The following ITPRID1 variants were observed in gnomAD, a reference collection of about 807,000 sequenced individuals.
The protein encoded by ITPRID1 is ITPR interacting domain containing 1, also known as protein ITPRID1.
ITPRID1 carries 96 observed loss-of-function variants against 95.4 expected under a neutral mutation model. The ratio of observed to expected loss-of-function variants is 1.01; its 90% confidence interval spans 0.85 to 1.19. The LOEUF is 1.19. Among genes scored for constraint, ITPRID1 ranks in the 50% most tolerant of loss-of-function variants. The pLI is 0.00. For missense variants in ITPRID1, 1,339 were observed against 1,252.9 expected (o/e 1.07, Z -1.04); for synonymous variants, 510 against 453.6 (o/e 1.12, Z -1.58).
At chr7:31,657,679 CTTTT>C (rs1002114429), downstream of ITPRID1, among the ~76,000 whole-genome samples, 4 of 151,024 alleles carry the variant, frequency 2.6e-5, no homozygotes, top group Non-Finnish European at 5.9e-5. Flanking sequence ...TCCTGTATTC[CTTTT>C]TTTTTGTTTT....
chr7:31,645,185 G>C (rs1240271955), intron 12 of ITPRID1, among the ~76,000 whole-genome samples: 3 of 152,140 alleles, frequency 2.0e-5, no homozygotes, highest in African/African-American at 7.2e-5. Flanking sequence ...AAGCAAAGAA[G>C]TGTCCGACTT....
At chr7:31,599,637 CTTTCTT>C (rs1786279184) in intron 10 of ITPRID1, among the ~76,000 whole-genome samples, 1 of 97,850 alleles carries the variant, frequency 1.0e-5, no homozygotes, top group African/African-American at 4.0e-5. Flanking sequence ...TTCTTTCTTT[CTTTCTT>C]TCTTTTTCTT....
chr7:31,532,792 G>T (rs1205953219), intron 1 of ITPRID1, among the ~76,000 whole-genome samples: 1 of 152,180 alleles, frequency 6.6e-6, no homozygotes, highest in East Asian at 1.9e-4. Context: ...CCACTTCACA[G>T]AAATGTACTA....
At position 31,554,481 on chromosome 7, in the gene ITPRID1, C is replaced by A. The variant is rs747611396; in HGVS notation, c.170C>A (p.Ser57Tyr). The change falls in exon 4 of 15, where the codon TCC (serine) becomes TAC (tyrosine). Residue 57 changes from serine (S) to tyrosine (Y), a missense_variant. Coordinates refer to ENST00000615280, the MANE Select transcript of ITPRID1 (RefSeq NM_001257967.3). ...TGTTCTTTCTTACTTGTAGAAGATT[C>A]CAAGCAAGAAAGTATTCAGCAGTGG... is the stretch of plus-strand genomic sequence containing the variant. Reference protein sequence around the residue: ...QSLTIPMLEDSKQESIQQWLD... With the variant: ...QSLTIPMLEDYKQESIQQWLD... 1.2e-6 allele frequency: 2 copies of A among 1,612,380 alleles called. No homozygotes were observed. The highest frequency in any genetic ancestry group is 2.7e-5 in the African/African-American group (2 of 74,870).
At chr7:31,606,985 C>T (rs17400266) in intron 10 of ITPRID1, among the ~76,000 whole-genome samples, 2,107 of 152,034 alleles carry the variant, frequency 0.014, 15 homozygotes, top group Admixed American at 0.026. Flanking sequence ...AGATGTTTTC[C>T]AAGACTGCAA....
chr7:31,529,075 T>C (rs1783509856), intron 1 of ITPRID1, among the ~76,000 whole-genome samples: 1 of 152,204 alleles, frequency 6.6e-6, no homozygotes, highest in African/African-American at 2.4e-5. Flanking sequence ...ACTAAAATAC[T>C]TCATAGATAG....
intron 10 of ITPRID1, among the ~76,000 whole-genome samples, chr7:31,617,496 T>TC (rs1358617655): frequency 6.6e-6 from 1 of 151,834 alleles, no homozygotes. Context: ...ATTCTGCTTT[T>TC]TGTAAAAAAC....
intron 12 of ITPRID1, among the ~76,000 whole-genome samples, chr7:31,650,064 G>A (rs1790816444): frequency 6.6e-6 from 1 of 152,214 alleles, no homozygotes; most frequent in Non-Finnish European, 1.5e-5. Flanking sequence ...AGTAACTGAA[G>A]TTAGGATTCT....
intron 1 of ITPRID1, among the ~76,000 whole-genome samples, chr7:31,519,620 C>CTCTCTCTCCA: frequency 2.0e-4 from 5 of 25,270 alleles, no homozygotes; most frequent in Non-Finnish European, 3.6e-4. Flanking sequence ...CTCTCTCTCT[C>CTCTCTCTCCA]TATATATATA....
intron 1 of ITPRID1, among the ~76,000 whole-genome samples, chr7:31,515,030 G>T (rs925383055): frequency 6.6e-6 from 1 of 151,966 alleles, no homozygotes; most frequent in Non-Finnish European, 1.5e-5. Context: ...TGACAGAAGA[G>T]AAGAAAGTGG....
intron 10 of ITPRID1, among the ~76,000 whole-genome samples, chr7:31,616,033 G>T (rs985559203): frequency 6.6e-6 from 1 of 151,978 alleles, no homozygotes; most frequent in Admixed American, 6.6e-5. Flanking sequence ...GTGAGCCACC[G>T]CACCCAGCCG....
intron 1 of ITPRID1, among the ~76,000 whole-genome samples, chr7:31,516,579 T>G (rs1262445076): frequency 6.6e-6 from 1 of 152,156 alleles, no homozygotes; most frequent in Non-Finnish European, 1.5e-5. Context: ...AGATAATAGT[T>G]GGCAGCACCC....
At position 31,550,868 on chromosome 7, in the gene ITPRID1, A is replaced by C. The variant is rs191685571; in HGVS notation, c.-24+1369A>C. Among the ~76,000 whole-genome samples, 361 of 143,106 alleles carry C rather than the reference A, an allele frequency of 2.5e-3. 17 individuals are homozygous for C. The highest frequency in any genetic ancestry group is 8.3e-3 in the African/African-American group (337 of 40,782). The allele number at this position is 143,106 out of a possible 152,430, so 93.9% of individuals were successfully genotyped here. ...TTTGGGGACGTACAAATAAAGCAGCACTTTTACCTAAAATTTTAACAATTT... is the reference window on the plus strand; with the variant it reads ...TTTGGGGACGTACAAATAAAGCAGCCCTTTTACCTAAAATTTTAACAATTT... On this transcript the variant is annotated intron_variant, in intron 2 of 14. Coordinates refer to ENST00000615280, the MANE Select transcript of ITPRID1 (RefSeq NM_001257967.3).
At chr7:31,554,584 T>C (rs1323001482) in intron 4 of ITPRID1, 61 bp downstream of exon 4, 3 of 1,598,652 alleles carry the variant, frequency 1.9e-6, no homozygotes, top group Admixed American at 1.7e-5. Flanking sequence ...ATGAAAACAA[T>C]GTGTGTAACT....
At chr7:31,564,971 G>A (rs1195618037) in intron 5 of ITPRID1, among the ~76,000 whole-genome samples, 1 of 152,112 alleles carries the variant, frequency 6.6e-6, no homozygotes, top group East Asian at 1.9e-4. Flanking sequence ...ACAGGCAAAG[G>A]GAAGCAGGAC....
chr7:31,553,593 T>C (rs1424967175), intron 3 of ITPRID1, among the ~76,000 whole-genome samples: 1 of 152,210 alleles, frequency 6.6e-6, no homozygotes, highest in Non-Finnish European at 1.5e-5. Context: ...GAGTAATAAG[T>C]AAGAAAATAC....
chr7:31,571,663 G>A (rs560989019), intron 6 of ITPRID1, among the ~76,000 whole-genome samples: 1 of 152,222 alleles, frequency 6.6e-6, no homozygotes, highest in East Asian at 1.9e-4. Context: ...ACAGCACTTA[G>A]AGAGTGTTAG....
chr7:31,568,957 T>A (rs996873888), intron 5 of ITPRID1, among the ~76,000 whole-genome samples: 5 of 152,192 alleles, frequency 3.3e-5, no homozygotes, highest in African/African-American at 1.2e-4. Flanking sequence ...TTCCTCTGTG[T>A]TAAGTGGAGA....
At chr7:31,651,407 C>A in intron 13 of ITPRID1, 138 bp downstream of exon 13, 2 of 1,002,696 alleles carry the variant, frequency 2.0e-6, no homozygotes, top group Non-Finnish European at 2.8e-6. Flanking sequence ...CTTTCTTGGT[C>A]TTGTTCTTGC....
Sources: allele counts gnomAD v4.1 joint callset (sites outside exome capture counted in the v4.1 genomes callset), GRCh38; gene constraint gnomAD v4.1.1; transcripts MANE v1.5; gene names NCBI Gene and HGNC (gene_info 2026-07-23, HGNC 2026-07-21).